The following ELK1 variants were observed in gnomAD, a reference collection of about 807,000 sequenced individuals.
The protein encoded by ELK1 is ETS domain-containing protein Elk-1.
For synonymous variants in ELK1, 163 were observed against 176.3 expected (o/e 0.92, Z 0.60); for missense variants, 254 against 381.5 (o/e 0.67, Z 2.78).
In ELK1 at chrX:47,636,762, A is replaced by T; in HGVS notation, c.*67T>A. The T allele has an allele frequency of 1.0e-6, 1 of 984,132 alleles. No homozygotes were observed. Among genetic ancestry groups the T allele is most frequent in the Non-Finnish European group, 1.4e-6 (1 of 734,848 alleles). 81.1% of individuals were successfully genotyped at this position (984,132 alleles called of 1,213,427 possible). On this transcript the variant is annotated 3_prime_UTR_variant, in exon 7 of 7. Transcript: ENST00000376983. The stretch of plus-strand genomic sequence containing the variant: ...TTCAGTTGAACTATGTTTCTCCTTG[A>T]GATGGCTGGCTGGAGAGAGCATGGA...
chrX:47,643,865 G>C (rs1211169111), intron 2 of ELK1, among the ~76,000 whole-genome samples: 1 of 111,933 alleles, frequency 8.9e-6, no homozygotes, highest in African/African-American at 3.3e-5. Flanking sequence ...TTTGGAGCCA[G>C]GCAGTCAGGT....
chrX:47,645,541 C>T (rs1418204998), intron 2 of ELK1, among the ~76,000 whole-genome samples: 6 of 112,189 alleles, frequency 5.3e-5, no homozygotes, highest in Admixed American at 1.9e-4. Context: ...GACAGGAATG[C>T]TGTTTTTACA....
chrX:47,650,314 G>T, intron 1 of ELK1, 109 bp downstream of exon 1: 1 of 215,502 alleles, frequency 4.6e-6, no homozygotes, highest in South Asian at 4.8e-5. Context: ...GTGGCGGCGG[G>T]GAGTCGAACA....
intron 2 of ELK1, among the ~76,000 whole-genome samples, chrX:47,643,499 T>C (rs778006762): frequency 2.2e-3 from 247 of 111,886 alleles, no homozygotes; most frequent in African/African-American, 7.8e-3. Context: ...AACAAGGCCC[T>C]TTCTGGTCTT....
chrX:47,646,474 C>T lies in ELK1; in HGVS notation c.-35+3447G>A, dbSNP rs374123391. ...ATTCTTTCAATGCAACAACACAGTC[C>T]TTATTCACATATACAACTAGCACTC... On this transcript the variant is annotated intron_variant, in intron 2 of 6. Coordinates refer to ENST00000376983, the MANE Select transcript of ELK1 (RefSeq NM_001114123.3). Among the ~76,000 whole-genome samples the T allele has an allele frequency of 1.4e-4, 16 of 112,004 alleles. No homozygotes were observed. The East Asian group carries it at 3.4e-3, about 24-fold the overall frequency.
chrX:47,639,057 G>C lies in ELK1; in HGVS notation c.492C>G (p.Ile164Met). The change falls in exon 4 of 7, where the codon ATC becomes ATG. Residue 164 changes from isoleucine to methionine, a missense_variant. By Grantham distance (10) the Ile-to-Met change is conservative. Coordinates refer to ENST00000376983, the MANE Select transcript of ELK1 (RefSeq NM_001114123.3). The stretch of plus-strand genomic sequence containing the variant: ...GGGGTGGCTGCGGCTGCAGAGACTG[G>C]ATGGTGAAGGTGGAATAGAGGCCCG... ...MRSGLYSTFT[I>M]QSLQPQPPPH... 3 of 1,202,878 alleles carry C rather than the reference G, an allele frequency of 2.5e-6. No homozygotes were observed. The highest frequency in any genetic ancestry group is 3.4e-6 in the Non-Finnish European group (3 of 891,374).
rs536399296 is a variant in ELK1 at position 47,637,004 on chromosome X, G to A, written c.1188+9C>T. The stretch of plus-strand genomic sequence containing the variant: ...TCACCCTGTCCAAAACGGGGAAAGA[G>A]GATCCTACCTGGAAGGAGAGCTTGG... On this transcript the variant is annotated intron_variant, in intron 6 of 6. Coordinates refer to ENST00000376983, the MANE Select transcript of ELK1 (RefSeq NM_001114123.3). The A allele has an allele frequency of 8.3e-7, 1 of 1,206,714 alleles. No homozygotes were observed.
chrX:47,641,452 G>C lies in ELK1; in HGVS notation c.-11C>G. 1 of 1,202,621 alleles carries C rather than the reference G, an allele frequency of 8.3e-7. No homozygotes were observed. The highest frequency in any genetic ancestry group is 1.1e-6 in the Non-Finnish European group (1 of 890,218). ...CACAGATGGGTCCATCGCTGGGGGA[G>C]TGCTCACGCCATCCCAGGGGTACCT... is the stretch of plus-strand genomic sequence containing the variant. On this transcript the variant is annotated 5_prime_UTR_variant, in exon 3 of 7. Transcript: ENST00000376983.
chrX:47,647,978 G>A (rs1603094577), intron 2 of ELK1, among the ~76,000 whole-genome samples: 1 of 112,240 alleles, frequency 8.9e-6, no homozygotes, highest in African/African-American at 3.2e-5. Flanking sequence ...TTATACATGT[G>A]CCTTTGTATA....
Position 47,641,361 on chromosome X carries a change from A to C in ELK1, c.81T>G (p.Thr27=). The change falls in exon 3 of 7, where the codon ACT becomes ACG. Residue 27 remains threonine (T), a synonymous_variant. Coordinates refer to ENST00000376983, the MANE Select transcript of ELK1 (RefSeq NM_001114123.3). ...GCTTGAATTCACCACCATCCCGTGA[A>C]GTCCAGGAGATGATGTGGCCATTGC... is the stretch of plus-strand genomic sequence containing the variant. ...EQGNGHIISW[T]SRDGGEFKLV... is the part of the protein sequence containing the mutation. 8.3e-7 allele frequency: 1 copy of C among 1,211,758 alleles called. No homozygotes were observed. Among genetic ancestry groups the C allele is most frequent in the Non-Finnish European group, 1.1e-6 (1 of 895,527 alleles).
chrX:47,642,589 T>TA (rs1491471383), intron 2 of ELK1, among the ~76,000 whole-genome samples: 4 of 102,897 alleles, frequency 3.9e-5, no homozygotes, highest in South Asian at 8.5e-4. Flanking sequence ...GTTCTCGTTC[T>TA]TTTTTTTTTT....
At position 47,637,123 on chromosome X, in the gene ELK1, A is replaced by C; in HGVS notation, c.1087-9T>G. ...GTCAGCAGCACCGGGGTCTGTGGGG[A>C]GAGGGTGGTCGGAGCTCAAGTGAGT... On this transcript the variant is annotated splice_polypyrimidine_tract_variant and intron_variant, in intron 5 of 6. Transcript: ENST00000376983. 1.7e-6 allele frequency: 2 copies of C among 1,202,220 alleles called. No homozygotes were observed. Among genetic ancestry groups the C allele is most frequent in the Non-Finnish European group, 2.2e-6 (2 of 890,518 alleles).
chrX:47,643,466 T>C (rs1998837), intron 2 of ELK1, among the ~76,000 whole-genome samples: 41,114 of 110,655 alleles, frequency 0.37, 6,172 homozygotes, highest in African/African-American at 0.56. Context: ...ACTCTTTTGG[T>C]GGCAAAACCT....
chrX:47,640,651 G>A (rs2058025435), intron 3 of ELK1, among the ~76,000 whole-genome samples: 4 of 111,792 alleles, frequency 3.6e-5, no homozygotes, highest in Admixed American at 2.8e-4. Flanking sequence ...AGAAGACAGT[G>A]TGTGGAAGTT....
intron 2 of ELK1, among the ~76,000 whole-genome samples, chrX:47,647,871 G>C (rs2058048429): frequency 8.9e-6 from 1 of 112,321 alleles, no homozygotes; most frequent in Non-Finnish European, 1.9e-5. Flanking sequence ...ACAAATCAGG[G>C]ACCTGGCTTG....
chrX:47,636,290 C>T lies in ELK1; in HGVS notation c.*539G>A, dbSNP rs2058007653. The T allele has an allele frequency of 8.9e-6, 1 of 112,357 alleles. No homozygotes were observed. The allele number at this position is 112,357 out of a possible 1,213,427, so 9.3% of individuals were successfully genotyped here. On this transcript the variant is annotated 3_prime_UTR_variant, in exon 7 of 7. Transcript: ENST00000376983. ...TTCTTCCTTGGCCAAGACTCCCAAC[C>T]CATTAAATGGTACAAATTCTTCCTG...
chrX:47,643,711 T>A (rs890309048), intron 2 of ELK1, among the ~76,000 whole-genome samples: 24 of 111,071 alleles, frequency 2.2e-4, no homozygotes, highest in Admixed American at 3.8e-4. Flanking sequence ...TACTGTTATT[T>A]TTTTTTTTAA....
chrX:47,642,845 C>A (rs1480213569), intron 2 of ELK1, among the ~76,000 whole-genome samples: 1 of 111,754 alleles, frequency 8.9e-6, no homozygotes, highest in Non-Finnish European at 1.9e-5. Context: ...GTGATCCACC[C>A]ACCTCCCACC....
chrX:47,647,574 A>G (rs1200939100), intron 2 of ELK1, among the ~76,000 whole-genome samples: 1 of 112,336 alleles, frequency 8.9e-6, no homozygotes, highest in Non-Finnish European at 1.9e-5. Flanking sequence ...GGGGCTCAGT[A>G]AAGGTTGGTT....
Sources: gnomAD v4.1 joint callset for allele counts (sites outside exome capture counted in the v4.1 genomes callset) on GRCh38, gnomAD v4.1.1 for gene constraint, MANE v1.5 for transcripts, NCBI Gene and HGNC (gene_info 2026-07-23, HGNC 2026-07-21) for gene names.